CCZ1B: variants seen among roughly 807,000 people sequenced by gnomAD.
The protein encoded by CCZ1B is CCZ1B vacuolar protein trafficking and biogenesis associated, also known as vacuolar fusion protein CCZ1 homolog B.
A neutral mutation model predicts 58.8 loss-of-function variants in CCZ1B; 25 were observed. That is an observed-to-expected ratio of 0.43 (90% CI 0.31 to 0.59). The LOEUF (loss-of-function observed/expected upper bound fraction) is 0.59, where lower values mean the gene tolerates loss of function less well. CCZ1B is among the 20% of genes least tolerant of loss of function. The probability of loss-of-function intolerance (pLI) is 0.12; values close to 1 mark genes in which losing one functional copy is unlikely to be tolerated. For synonymous variants in CCZ1B, 66 were observed against 173.2 expected (o/e 0.38, Z 4.86); for missense variants, 180 against 501.5 (o/e 0.36, Z 6.12).
chr7:6,814,089 T>C (rs62441810), intron 8 of CCZ1B, among the ~76,000 whole-genome samples: 22,236 of 148,416 alleles, frequency 0.15, 2,798 homozygotes, highest in Admixed American at 0.23. Context: ...GAAGTTGCAG[T>C]GAGCTGAGAT....
intron 7 of CCZ1B, among the ~76,000 whole-genome samples, chr7:6,818,618 A>AGAC (rs1783050919): frequency 9.7e-5 from 8 of 82,726 alleles, no homozygotes; most frequent in African/African-American, 3.0e-4. Context: ...AAAGAAAGAC[A>AGAC]AGAAAGAAAG....
chr7:6,821,875 A>C (rs2528318), intron 6 of CCZ1B, among the ~76,000 whole-genome samples: 37,325 of 145,106 alleles, frequency 0.26, 5,366 homozygotes, highest in South Asian at 0.36. Context: ...ACATCAAGAC[A>C]GTTTACGCCC....
intron 7 of CCZ1B, among the ~76,000 whole-genome samples, chr7:6,819,051 G>T (rs1039594174): frequency 6.9e-6 from 1 of 144,394 alleles, no homozygotes; most frequent in Non-Finnish European, 1.5e-5. Flanking sequence ...TTGGGAGGCT[G>T]AGGCGGGTGG....
rs779078844 is a variant in CCZ1B at position 6,819,983 on chromosome 7, C to T, written c.523-42G>A. 29 of 1,548,870 alleles carry T rather than the reference C, an allele frequency of 1.9e-5. No individual in the cohort carries two copies. In the Admixed American group the frequency reaches 2.1e-4, roughly 11 times the overall value. On this transcript the variant is annotated intron_variant, in intron 6 of 14. Transcript: ENST00000316731. ...AGGCATAAAATTTACTAATAGTACA[C>T]TGAATATAATGCTCCTTGATAACTG...
chr7:6,813,158 G>C, intron 8 of CCZ1B, 121 bp from the exon 9 acceptor site: 13 of 1,393,888 alleles, frequency 9.3e-6, no homozygotes, highest in Non-Finnish European at 1.3e-5. Context: ...TTTAGAGACA[G>C]GATCTTGTTC....
chr7:6,818,426 G>A (rs1267319906), intron 7 of CCZ1B, among the ~76,000 whole-genome samples: 1 of 149,258 alleles, frequency 6.7e-6, no homozygotes, highest in Non-Finnish European at 1.5e-5. Context: ...GCATATGCCT[G>A]TAATCCCAGC....
intron 1 of CCZ1B, among the ~76,000 whole-genome samples, chr7:6,825,021 T>G (rs1476445377): frequency 1.3e-5 from 2 of 150,168 alleles, no homozygotes; most frequent in Non-Finnish European, 3.0e-5. Context: ...ATTGTGCAAA[T>G]ACTGCCCACC....
intron 4 of CCZ1B, 68 bp from the exon 5 acceptor site, chr7:6,823,428 A>T: frequency 1.3e-6 from 2 of 1,590,700 alleles, no homozygotes; most frequent in Non-Finnish European, 1.7e-6. Context: ...GATAGATGGC[A>T]AAGGTACACT....
At chr7:6,805,881 AC>A (rs1480774486) in intron 11 of CCZ1B, 122 bp downstream of exon 11, 5 of 1,444,046 alleles carry the variant, frequency 3.5e-6, no homozygotes, top group Admixed American at 1.7e-5. Flanking sequence ...CAAGAGTGAA[AC>A]CCCGTCTCCA....
intron 5 of CCZ1B, among the ~76,000 whole-genome samples, chr7:6,822,668 G>C (rs1783130296): frequency 6.9e-6 from 1 of 144,116 alleles, no homozygotes; most frequent in Non-Finnish European, 1.5e-5. Flanking sequence ...TTATTTTTCA[G>C]TGTTCTGTTA....
intron 6 of CCZ1B, among the ~76,000 whole-genome samples, chr7:6,820,784 G>C (rs1783096570): frequency 6.7e-6 from 1 of 148,298 alleles, no homozygotes; most frequent in African/African-American, 2.5e-5. Context: ...AGCCGGGCGT[G>C]GTAGCCTGTA....
chr7:6,814,438 A>C (rs1468277931), intron 8 of CCZ1B, among the ~76,000 whole-genome samples: 17 of 149,722 alleles, frequency 1.1e-4, no homozygotes. Context: ...AGGGAGGCCG[A>C]GGCAAGGAGA....
At chr7:6,814,262 G>T (rs777067756) in intron 8 of CCZ1B, among the ~76,000 whole-genome samples, 2 of 148,778 alleles carry the variant, frequency 1.3e-5, no homozygotes, top group South Asian at 2.1e-4. Flanking sequence ...GTGGACTGGG[G>T]GCAGTGGCTC....
At chr7:6,814,633 C>T (rs1364077959) in intron 8 of CCZ1B, 131 bp downstream of exon 8, 4 of 727,294 alleles carry the variant, frequency 5.5e-6, no homozygotes, top group Admixed American at 5.5e-5. Flanking sequence ...TATACAGTGA[C>T]ATAAATAACA....
intron 4 of CCZ1B, 100 bp downstream of exon 4, chr7:6,823,989 T>C: frequency 4.4e-6 from 3 of 679,944 alleles, no homozygotes; most frequent in Non-Finnish European, 7.2e-6. Flanking sequence ...GAGAAACTTC[T>C]GCAAAAGCCT....
Position 6,818,651 on chromosome 7 carries a change from C to CAGAA in CCZ1B, c.698+1111_698+1114dup, listed in dbSNP as rs142369499. 4.1e-5 allele frequency among the ~76,000 whole-genome samples: 5 copies of CAGAA among 123,412 alleles called. No homozygotes were observed. In the East Asian group the frequency reaches 7.4e-4, roughly 18 times the overall value. The allele number at this position is 123,412 out of a possible 152,430, so 81.0% of individuals were successfully genotyped here. A position where few individuals can be genotyped will look rare whatever the true frequency, so the allele number is the denominator to read the frequency against. On this transcript the variant is annotated intron_variant, in intron 7 of 14. Coordinates refer to ENST00000316731, the MANE Select transcript of CCZ1B (RefSeq NM_198097.5). Reference sequence around the variant, plus strand: ...AAGAAAGACAAGAAAGAAAGAAAGACAGAAAGAAAGACAGACAGAAAGAAA... The same window carrying CAGAA: ...AAGAAAGACAAGAAAGAAAGAAAGACAGAAAGAAAGAAAGACAGACAGAAAGAAA...
chr7:6,823,369 G>A lies in CCZ1B; in HGVS notation c.391-9C>T, dbSNP rs1185613847. On this transcript the variant is annotated splice_polypyrimidine_tract_variant and intron_variant, in intron 4 of 14. Coordinates refer to ENST00000316731, the MANE Select transcript of CCZ1B (RefSeq NM_198097.5). The stretch of plus-strand genomic sequence containing the variant: ...GAGCTATAAACCTTGTCCTGCAGAC[G>A]CGAAAACACAGCACACAGCTCAGTT... The A allele has an allele frequency of 2.5e-6, 4 of 1,607,428 alleles. No individual in the cohort carries two copies. The highest frequency in any genetic ancestry group is 1.7e-4 in the Middle Eastern group (1 of 6,040).
At chr7:6,811,616 G>A in intron 10 of CCZ1B, 2 of 297,252 alleles carry the variant, frequency 6.7e-6, no homozygotes, top group South Asian at 3.5e-5. Flanking sequence ...AGCAGCATAT[G>A]CACAGACACG....
At chr7:6,813,870 G>A (rs376842691) in intron 8 of CCZ1B, among the ~76,000 whole-genome samples, 34 of 149,330 alleles carry the variant, frequency 2.3e-4, no homozygotes, top group African/African-American at 7.8e-4. Flanking sequence ...TTTTGGCCAG[G>A]AGCAGTAGCT....
Sources: allele counts gnomAD v4.1 joint callset (sites outside exome capture counted in the v4.1 genomes callset), GRCh38; gene constraint gnomAD v4.1.1; transcripts MANE v1.5; gene names NCBI Gene and HGNC (gene_info 2026-07-23, HGNC 2026-07-21).